Variants in ERICH1 observed in about 807,000 individuals in gnomAD.
ERICH1 encodes the protein glutamate-rich protein 1.
ERICH1 carries 56 observed loss-of-function variants against 39.6 expected under a neutral mutation model. That is an observed-to-expected ratio of 1.41 (90% CI 1.14 to 1.77). The LOEUF is 1.77. Among genes scored for constraint, ERICH1 ranks in the 40% most tolerant of loss-of-function variants. The pLI is 0.00. For synonymous variants in ERICH1, 313 were observed against 223.6 expected (o/e 1.40, Z -3.57); for missense variants, 826 against 575.4 (o/e 1.44, Z -4.45).
At chr8:632,863 G>A (rs543650207) in intron 3 of ERICH1, among the ~76,000 whole-genome samples, 1 of 152,332 alleles carries the variant, frequency 6.6e-6, no homozygotes, top group African/African-American at 2.4e-5. Context: ...TGTCATCTGT[G>A]GGTGGAGACC....
intron 3 of ERICH1, among the ~76,000 whole-genome samples, chr8:636,541 G>T (rs1277010812): frequency 6.6e-6 from 1 of 152,216 alleles, no homozygotes; most frequent in Non-Finnish European, 1.5e-5. Context: ...GTCTCCTCAC[G>T]GACGGAGGCC....
chr8:706,451 C>G (rs558629457), intron 2 of ERICH1, among the ~76,000 whole-genome samples: 1 of 152,036 alleles, frequency 6.6e-6, no homozygotes, highest in Non-Finnish European at 1.5e-5. Flanking sequence ...AACTTTTCTA[C>G]GTCCTGTAAG....
intron 3 of ERICH1, among the ~76,000 whole-genome samples, chr8:651,626 G>C (rs910290761): frequency 6.6e-6 from 1 of 151,950 alleles, no homozygotes; most frequent in African/African-American, 2.4e-5. Context: ...GCCAGAGAGA[G>C]AGCTGGTGGG....
chr8:652,431 T>TG (rs1201425932), intron 3 of ERICH1, among the ~76,000 whole-genome samples: 2 of 152,064 alleles, frequency 1.3e-5, no homozygotes, highest in Non-Finnish European at 2.9e-5. Context: ...CTGGGGACAG[T>TG]GGGGAAATCT....
intron 3 of ERICH1, among the ~76,000 whole-genome samples, chr8:680,893 G>A (rs1225041843): frequency 6.6e-6 from 1 of 152,202 alleles, no homozygotes; most frequent in Non-Finnish European, 1.5e-5. Context: ...GATCCACTGG[G>A]GCTTCCTGGA....
chr8:661,005 C>T (rs957009499), downstream of ERICH1, among the ~76,000 whole-genome samples: 15 of 152,318 alleles, frequency 9.8e-5, no homozygotes, highest in Non-Finnish European at 1.5e-4. Context: ...TCTCAGCCTT[C>T]AGGATTCACG....
intron 3 of ERICH1, among the ~76,000 whole-genome samples, chr8:639,863 G>GC (rs35527143): frequency 0.24 from 28,418 of 116,860 alleles, 4,762 homozygotes; most frequent in South Asian, 0.32. Context: ...TTCAGAGGCA[G>GC]CCGGTTTTTC....
chr8:701,527 T>C (rs907251881), intron 2 of ERICH1, among the ~76,000 whole-genome samples: 13 of 152,304 alleles, frequency 8.5e-5, no homozygotes, highest in African/African-American at 3.1e-4. Context: ...ACAGAGCCGC[T>C]GCCACAGGGA....
chr8:727,304 G>A (rs531610177), intron 1 of ERICH1, among the ~76,000 whole-genome samples: 58 of 152,236 alleles, frequency 3.8e-4, no homozygotes, highest in African/African-American at 1.3e-3. Context: ...CATCTCTCCC[G>A]GACTACCAGA....
intron 3 of ERICH1, among the ~76,000 whole-genome samples, chr8:620,687 G>T (rs1413772661): frequency 6.6e-6 from 1 of 152,092 alleles, no homozygotes; most frequent in Non-Finnish European, 1.5e-5. Flanking sequence ...CTTTAAAACA[G>T]AAAATGTTAC....
chr8:695,631 A>G (rs71514191), intron 2 of ERICH1, among the ~76,000 whole-genome samples: 2 of 22,360 alleles, frequency 8.9e-5, no homozygotes, highest in East Asian at 1.8e-3. Context: ...ATCAGCCTGC[A>G]CCTGTGCTTG....
intron 3 of ERICH1, among the ~76,000 whole-genome samples, chr8:652,451 C>T (rs183399898): frequency 1.6e-4 from 25 of 152,212 alleles, no homozygotes; most frequent in Non-Finnish European, 2.6e-4. Flanking sequence ...TAGATAGGAA[C>T]GGAGTGGAGT....
chr8:692,523 T>C lies in ERICH1; in HGVS notation c.259A>G (p.Ser87Gly). The C allele has an allele frequency of 6.2e-7, 1 of 1,614,072 alleles. No individual in the cohort carries two copies. The highest frequency in any genetic ancestry group is 8.5e-7 in the Non-Finnish European group (1 of 1,179,978). Residue 87 changes from serine to glycine, a missense_variant, in exon 3 of 6, where the codon AGC (serine) becomes GGC (glycine). Transcript: ENST00000262109. ...GAGGCGTTCTCGGGGCTCCCACAGC[T>C]GCTGGGCTCCGGCCAACAGGGGACG... Reference protein sequence around the residue: ...GYVPCWPEPSSCGSPENASSG... With the variant: ...GYVPCWPEPSGCGSPENASSG...
intron 2 of ERICH1, 92 bp from the exon 3 acceptor site, chr8:692,704 A>C (rs1809197408): frequency 4.4e-6 from 6 of 1,366,088 alleles, no homozygotes; most frequent in Admixed American, 3.2e-5. Context: ...GTTTCTCTAA[A>C]TTCATTCAAG....
In ERICH1 at chr8:679,138, G is replaced by A. The variant is rs548974123; in HGVS notation, c.305-5091C>T. Among the ~76,000 whole-genome samples, 11 of 118,898 alleles carry A rather than the reference G, an allele frequency of 9.3e-5. 1 individual carries two copies. Among genetic ancestry groups the A allele is most frequent in the Admixed American group, 1.7e-4 (2 of 11,590 alleles). The allele number at this position is 118,898 out of a possible 152,430, so 78.0% of individuals were successfully genotyped here. On this transcript the variant is annotated intron_variant, in intron 3 of 5. Coordinates refer to ENST00000262109, the MANE Select transcript of ERICH1 (RefSeq NM_207332.3). ...CTCCCACCTCTCACAGCTCTCACCCGTCAAAGCTCCGGCCCCTCACAGCTC... is the reference window on the plus strand; with the variant it reads ...CTCCCACCTCTCACAGCTCTCACCCATCAAAGCTCCGGCCCCTCACAGCTC...
rs1813929953 is a variant in ERICH1, at chr8:708,682, T to TTTTTTG, written c.169+7178_169+7179insCAAAAA. 4.3e-4 allele frequency among the ~76,000 whole-genome samples: 12 copies of TTTTTTG among 27,930 alleles called. 1 individual carries two copies. The highest frequency in any genetic ancestry group is 7.5e-4 in the Admixed American group (2 of 2,658). The allele number at this position is 27,930 out of a possible 152,430, so 18.3% of individuals were successfully genotyped here. Reference sequence around the variant, plus strand: ...GGCTGAGTGGTTACGGGATAATGAGTTTTTTTTTTTTTTTTTTTTTTTTTT... The same window carrying TTTTTTG: ...GGCTGAGTGGTTACGGGATAATGAGTTTTTTGTTTTTTTTTTTTTTTTTTTTTTTTT... On this transcript the variant is annotated intron_variant, in intron 2 of 5. Transcript: ENST00000262109.
chr8:720,074 C>G (rs898880596), intron 1 of ERICH1, among the ~76,000 whole-genome samples: 5 of 152,230 alleles, frequency 3.3e-5, no homozygotes, highest in African/African-American at 1.2e-4. Context: ...GTGCACCTTG[C>G]TCCTCTTGTC....
intron 3 of ERICH1, among the ~76,000 whole-genome samples, chr8:655,172 C>T (rs191880513): frequency 6.6e-6 from 1 of 152,190 alleles, no homozygotes; most frequent in East Asian, 1.9e-4. Context: ...GGAAGAGCAG[C>T]CGCGTTTGAT....
intron 5 of ERICH1, chr8:666,031 C>T (rs2131792709): frequency 6.6e-6 from 1 of 152,302 alleles, no homozygotes; most frequent in South Asian, 2.1e-4. Context: ...AATAGCTTGA[C>T]ACAGAAAACC....
Sources: gnomAD v4.1 joint callset for allele counts (sites outside exome capture counted in the v4.1 genomes callset) on GRCh38, gnomAD v4.1.1 for gene constraint, MANE v1.5 for transcripts, NCBI Gene and HGNC (gene_info 2026-07-23, HGNC 2026-07-21) for gene names.